Variants in SEMA5A observed in about 807,000 individuals in gnomAD.
SEMA5A encodes the protein semaphorin-5A.
SEMA5A carries 55 observed loss-of-function variants against 135.5 expected under a neutral mutation model. The ratio of observed to expected loss-of-function variants is 0.41; its 90% CI spans 0.33 to 0.51. The LOEUF (loss-of-function observed/expected upper bound fraction) is 0.51, where lower values mean the gene tolerates loss of function less well. Among genes scored for constraint, SEMA5A ranks in the 20% least tolerant of loss-of-function variants. SEMA5A has a pLI of 0.37. For missense variants in SEMA5A, 1,290 were observed against 1,419.9 expected (o/e 0.91, Z 1.47); for synonymous variants, 580 against 546.5 (o/e 1.06, Z -0.85).
At chr5:9,174,900 G>A (rs557710155) in intron 11 of SEMA5A, among the ~76,000 whole-genome samples, 26 of 152,326 alleles carry the variant, frequency 1.7e-4, no homozygotes, top group South Asian at 4.1e-4. Context: ...CTTTGAAGGC[G>A]TAAGAGACGA....
At chr5:9,353,110 A>AGGAAAGGAAAGGAAAG (rs1754226416) in intron 3 of SEMA5A, among the ~76,000 whole-genome samples, 3 of 17,012 alleles carry the variant, frequency 1.8e-4, no homozygotes, top group Admixed American at 5.9e-4. Context: ...AGGAAAGGAA[A>AGGAAAGGAAAGGAAAG]GGAAAGGAAA....
chr5:9,380,390 C>A (rs763818721), intron 2 of SEMA5A, among the ~76,000 whole-genome samples: 1 of 152,278 alleles, frequency 6.6e-6, no homozygotes, highest in East Asian at 1.9e-4. Context: ...TAACCCCTTG[C>A]GCAAACACAG....
At chr5:9,063,215 T>G (rs922217468) in intron 17 of SEMA5A, 110 bp from the exon 18 acceptor site, 2 of 1,073,328 alleles carry the variant, frequency 1.9e-6, no homozygotes, top group South Asian at 1.5e-5. Context: ...AGAACTACCC[T>G]CTCACATTCC....
At chr5:9,400,005 G>T (rs369027523) in intron 2 of SEMA5A, among the ~76,000 whole-genome samples, 2 of 152,302 alleles carry the variant, frequency 1.3e-5, no homozygotes, top group Non-Finnish European at 1.5e-5. Context: ...CATATCCTTT[G>T]CAGGAACATC....
intron 5 of SEMA5A, among the ~76,000 whole-genome samples, chr5:9,308,203 G>C (rs936854813): frequency 6.6e-6 from 1 of 152,116 alleles, no homozygotes; most frequent in African/African-American, 2.4e-5. Context: ...TATGAAACAG[G>C]ACACTGTATC....
chr5:9,459,408 A>G (rs1053660381), intron 1 of SEMA5A, among the ~76,000 whole-genome samples: 1 of 152,258 alleles, frequency 6.6e-6, no homozygotes, highest in African/African-American at 2.4e-5. Context: ...TTGGATTCAA[A>G]CAGCAATGCT....
At chr5:9,505,296 G>C (rs1296170497) in intron 1 of SEMA5A, among the ~76,000 whole-genome samples, 2 of 152,120 alleles carry the variant, frequency 1.3e-5, no homozygotes, top group South Asian at 2.1e-4. Flanking sequence ...GCTTTCAGTA[G>C]AGAGCTCATT....
At chr5:9,462,468 A>G (rs1759092998) in intron 1 of SEMA5A, among the ~76,000 whole-genome samples, 3 of 152,214 alleles carry the variant, frequency 2.0e-5, no homozygotes, top group Admixed American at 1.3e-4. Flanking sequence ...CAATCCCATT[A>G]ATTGATACAC....
In SEMA5A at chr5:9,202,045, G is replaced by C. The variant is rs1418220854; in HGVS notation, c.842C>G (p.Pro281Arg). 1 of 1,614,214 alleles carries C rather than the reference G, an allele frequency of 6.2e-7. No homozygotes were observed. The highest frequency in any genetic ancestry group is 1.1e-5 in the South Asian group (1 of 91,086). ...FMKARLNCSRPGEVPFYYNEL... is the reference protein window; with the variant it reads ...FMKARLNCSRRGEVPFYYNEL... ...GTTGTAGTAAAAGGGGACTTCCCCA[G>C]GACGGGAGCAGTTCAGGCGAGCCTT... The change falls in exon 9 of 23, where the codon CCT (proline) becomes CGT (arginine). Residue 281 changes from proline to arginine, a missense_variant. Transcript: ENST00000382496.
chr5:9,154,093 ATGTGTGTGTGTG>A (rs1553993817), intron 12 of SEMA5A, among the ~76,000 whole-genome samples: 2 of 73,506 alleles, frequency 2.7e-5, no homozygotes, highest in Admixed American at 1.8e-4. Context: ...ATATATATAT[ATGTGTGTGTGTG>A]TATGTGTGTG....
intron 6 of SEMA5A, among the ~76,000 whole-genome samples, chr5:9,232,497 T>C (rs940583873): frequency 2.0e-5 from 3 of 152,202 alleles, no homozygotes; most frequent in Non-Finnish European, 4.4e-5. Flanking sequence ...ATCAGATGTA[T>C]GTGTGTATGT....
chr5:9,305,523 G>T (rs1266999177), intron 5 of SEMA5A, among the ~76,000 whole-genome samples: 1 of 151,732 alleles, frequency 6.6e-6, no homozygotes, highest in Non-Finnish European at 1.5e-5. Context: ...GCTTAATCTG[G>T]GTGGGATTTT....
At chr5:9,196,206 G>A (rs1390925368) in intron 10 of SEMA5A, among the ~76,000 whole-genome samples, 1 of 152,216 alleles carries the variant, frequency 6.6e-6, no homozygotes, top group Non-Finnish European at 1.5e-5. Flanking sequence ...ATGTCTGTAA[G>A]CCACCCAAAT....
chr5:9,458,976 G>A (rs1468667298), intron 1 of SEMA5A, among the ~76,000 whole-genome samples: 2 of 152,176 alleles, frequency 1.3e-5, no homozygotes, highest in African/African-American at 4.8e-5. Context: ...AGTCTTGGAA[G>A]ACTCAGCCAA....
chr5:9,410,981 C>CTT (rs57301427), intron 2 of SEMA5A, among the ~76,000 whole-genome samples: 7 of 145,736 alleles, frequency 4.8e-5, no homozygotes, highest in Non-Finnish European at 9.0e-5. Context: ...TCCATCTGGA[C>CTT]TTTTTTTTTT....
rs781746363 is a variant in SEMA5A at position 9,190,312 on chromosome 5, C to T, written c.1228G>A (p.Val410Met). 6.2e-7 allele frequency: 1 copy of T among 1,614,164 alleles called. No individual in the cohort carries two copies. Among genetic ancestry groups the T allele is most frequent in the South Asian group, 1.1e-5 (1 of 91,084 alleles). Residue 410 changes from valine (V) to methionine (M), a missense_variant, in exon 11 of 23, where the codon GTG becomes ATG. Val to Met is a conservative substitution (Grantham distance 21). Transcript: ENST00000382496. ...TGGACGAGCGCTTCTCTGCCCTGCA[C>T]CACGTCGACTGCCACGTGGGAAAAG... ...SRFSHVAVDV[V>M]QGREALVHII...
At chr5:9,110,323 G>A (rs1190975201) in intron 15 of SEMA5A, among the ~76,000 whole-genome samples, 2 of 152,196 alleles carry the variant, frequency 1.3e-5, no homozygotes, top group Non-Finnish European at 2.9e-5. Context: ...TGGAGCCCCT[G>A]AGATTCGAGG....
intron 1 of SEMA5A, among the ~76,000 whole-genome samples, chr5:9,444,434 T>G (rs1026583993): frequency 6.6e-6 from 1 of 152,232 alleles, no homozygotes; most frequent in African/African-American, 2.4e-5. Context: ...AATAAGAATA[T>G]ACAATGTTTG....
intron 3 of SEMA5A, among the ~76,000 whole-genome samples, chr5:9,344,348 T>C (rs553578905): frequency 6.6e-6 from 1 of 152,322 alleles, no homozygotes; most frequent in African/African-American, 2.4e-5. Flanking sequence ...AATATTTCTA[T>C]AAGACACAGA....
Sources: allele counts gnomAD v4.1 joint callset (sites outside exome capture counted in the v4.1 genomes callset), GRCh38; gene constraint gnomAD v4.1.1; transcripts MANE v1.5; gene names NCBI Gene and HGNC (gene_info 2026-07-23, HGNC 2026-07-21).